The following VCAN variants were observed in gnomAD, a reference collection of about 807,000 sequenced individuals.
The protein encoded by VCAN is versican core protein.
In VCAN, 44 loss-of-function variants were observed where a neutral mutation model predicts 245.5. The ratio of observed to expected loss-of-function variants is 0.18; its 90% CI spans 0.14 to 0.23. The LOEUF (loss-of-function observed/expected upper bound fraction) is 0.23. VCAN is among the 10% of genes least tolerant of loss of function. VCAN has a pLI of 1.00. For missense variants in VCAN, 3,793 were observed against 4,057.9 expected (o/e 0.93, Z 1.77); for synonymous variants, 1,413 against 1,437.0 (o/e 0.98, Z 0.38).
Position 83,573,695 on chromosome 5 carries a change from T to A in VCAN, c.9880+1135T>A, listed in dbSNP as rs577912775. On this transcript the variant is annotated intron_variant, in intron 13 of 14. Transcript: ENST00000265077. ...TACATATATTTTCAAGCATAAGCAC[T>A]CAGGTATACTAATGGCAGTTGGGGA... Among the ~76,000 whole-genome samples, 4 of 152,164 alleles carry A rather than the reference T, an allele frequency of 2.6e-5. 1 individual carries two copies. Among genetic ancestry groups the A allele is most frequent in the African/African-American group, 9.6e-5 (4 of 41,524 alleles).
In VCAN at chr5:83,539,289, A is replaced by G; in HGVS notation, c.6286A>G (p.Lys2096Glu). ...TNFPQTIEPAKLWSRQEVNPV... is the reference protein window; with the variant it reads ...TNFPQTIEPAELWSRQEVNPV... ...CTTTCCCCAAACTATAGAGCCAGCCAAATTATGGTCTAGGCAAGAAGTCAA... is the reference window on the plus strand; with the variant it reads ...CTTTCCCCAAACTATAGAGCCAGCCGAATTATGGTCTAGGCAAGAAGTCAA... Residue 2096 changes from lysine to glutamate, a missense_variant, in exon 8 of 15, where the codon AAA becomes GAA. Lys to Glu is a moderately conservative substitution (Grantham distance 56). This residue lies in a region of VCAN where 3,182 missense variants were observed against 3,250.3 expected (regional missense o/e 0.98). Coordinates refer to ENST00000265077, the MANE Select transcript of VCAN (RefSeq NM_004385.5). The G allele has an allele frequency of 6.2e-7, 1 of 1,614,124 alleles. No homozygotes were observed. The highest frequency in any genetic ancestry group is 8.5e-7 in the Non-Finnish European group (1 of 1,179,990).
At position 83,538,822 on chromosome 5, in the gene VCAN, A is replaced by G. The variant is rs749963310; in HGVS notation, c.5819A>G (p.Glu1940Gly). The change falls in exon 8 of 15, where the codon GAA (glutamate) becomes GGA (glycine). Residue 1940 changes from glutamate to glycine, a missense_variant. Physicochemically the swap from Glu to Gly is moderately conservative, Grantham distance 98. Transcript: ENST00000265077. The part of the protein sequence containing the change: ...LEEDFSGDFR[E>G]YSTVSHPIAK... ...GAAGATTTCAGTGGTGACTTTAGAGAATACTCAACAGTGTCTCATCCCATA... is the reference window on the plus strand; with the variant it reads ...GAAGATTTCAGTGGTGACTTTAGAGGATACTCAACAGTGTCTCATCCCATA... 2.7e-5 allele frequency: 43 copies of G among 1,613,880 alleles called. No homozygotes were observed. The highest frequency in any genetic ancestry group is 3.5e-5 in the Non-Finnish European group (41 of 1,179,988).
intron 12 of VCAN, among the ~76,000 whole-genome samples, chr5:83,556,763 T>A (rs189179777): frequency 3.3e-5 from 5 of 152,310 alleles, no homozygotes; most frequent in Admixed American, 2.0e-4. Context: ...ATTTTGATCC[T>A]ATTAATTTAA....
intron 5 of VCAN, among the ~76,000 whole-genome samples, chr5:83,497,208 A>C (rs1745185106): frequency 1.3e-5 from 2 of 152,178 alleles, no homozygotes; most frequent in Admixed American, 1.3e-4. Flanking sequence ...TCAAAAAGGC[A>C]ATTAATTTTC....
chr5:83,533,981 T>A (rs1746613920), intron 7 of VCAN: 1 of 152,158 alleles, frequency 6.6e-6, no homozygotes, highest in African/African-American at 2.4e-5. Flanking sequence ...TATACAGTAC[T>A]GATTTACAAT....
chr5:83,535,809 G>A (rs773807342), intron 7 of VCAN: 8 of 152,136 alleles, frequency 5.3e-5, no homozygotes, highest in Non-Finnish European at 1.2e-4. Flanking sequence ...GTTATAGATT[G>A]GGGATAGTTT....
chr5:83,541,508 T>G lies in VCAN; in HGVS notation c.8505T>G (p.Ser2835Arg). The G allele has an allele frequency of 6.2e-7, 1 of 1,614,038 alleles. No individual in the cohort carries two copies. Among genetic ancestry groups the G allele is most frequent in the Non-Finnish European group, 8.5e-7 (1 of 1,179,998 alleles). Residue 2835 changes from serine to arginine, a missense_variant, in exon 8 of 15, where the codon AGT becomes AGG. By Grantham distance (110) the Ser-to-Arg change is moderately radical. Transcript: ENST00000265077. Reference protein sequence around the residue: ...PSSPLTIYSGSEASGHTEIPQ... With the variant: ...PSSPLTIYSGREASGHTEIPQ... ...CTCCCCTCACTATCTACTCAGGCAGTGAAGCCTCTGGACACACAGAGATCC... is the reference window on the plus strand; with the variant it reads ...CTCCCCTCACTATCTACTCAGGCAGGGAAGCCTCTGGACACACAGAGATCC...
Position 83,581,969 on chromosome 5 carries a change from T to C in VCAN, c.*1535T>C, listed in dbSNP as rs1023012697. On this transcript the variant is annotated 3_prime_UTR_variant, in exon 15 of 15. Coordinates refer to ENST00000265077, the MANE Select transcript of VCAN (RefSeq NM_004385.5). ...AGGGCACAAAGGGATTGGCCCAATA[T>C]TGATTCTTTTTTTATAAAACCTCCT... The C allele has an allele frequency of 2.8e-5, 2 of 70,932 alleles. No homozygotes were observed. Among genetic ancestry groups the C allele is most frequent in the Non-Finnish European group, 5.7e-5 (2 of 35,204 alleles). 4.4% of individuals were successfully genotyped at this position (70,932 alleles called of 1,614,324 possible). A position where few individuals can be genotyped will look rare whatever the true frequency, so the allele number is the denominator to read the frequency against.
At chr5:83,512,527 T>G in intron 6 of VCAN, 131 bp downstream of exon 6, 4 of 1,223,802 alleles carry the variant, frequency 3.3e-6, no homozygotes, top group Non-Finnish European at 4.5e-6. Flanking sequence ...AACAGTTCAG[T>G]GATTTTCAAA....
At chr5:83,534,859 T>C (rs2112435138) in intron 7 of VCAN, among the ~76,000 whole-genome samples, 1 of 152,030 alleles carries the variant, frequency 6.6e-6, no homozygotes, top group Admixed American at 6.6e-5. Flanking sequence ...CACATTCTGT[T>C]TTCATAGCAC....
intron 10 of VCAN, among the ~76,000 whole-genome samples, chr5:83,549,692 A>G (rs1747385738): frequency 6.6e-6 from 1 of 152,246 alleles, no homozygotes; most frequent in Non-Finnish European, 1.5e-5. Context: ...AATTAATTTT[A>G]TTTCTGGTGC....
At chr5:83,543,583 T>C (rs1204111839) in intron 8 of VCAN, among the ~76,000 whole-genome samples, 2 of 152,238 alleles carry the variant, frequency 1.3e-5, no homozygotes, top group African/African-American at 4.8e-5. Context: ...GGGTTTTTTG[T>C]TATCACTGTG....
intron 6 of VCAN, among the ~76,000 whole-genome samples, chr5:83,517,957 C>G (rs903841103): frequency 3.3e-5 from 5 of 152,094 alleles, no homozygotes; most frequent in African/African-American, 1.2e-4. Context: ...ACAATAAAAT[C>G]ACATCATTTT....
rs1175858855 is a variant in VCAN, at chr5:83,581,816, C to T, written c.*1382C>T. 6.6e-6 allele frequency: 1 copy of T among 152,066 alleles called. No individual in the cohort carries two copies. The highest frequency in any genetic ancestry group is 1.5e-5 in the Non-Finnish European group (1 of 67,996). 9.4% of individuals were successfully genotyped at this position (152,066 alleles called of 1,614,324 possible). On this transcript the variant is annotated 3_prime_UTR_variant, in exon 15 of 15. Coordinates refer to ENST00000265077, the MANE Select transcript of VCAN (RefSeq NM_004385.5). ...TGACTGCTGAAGATGACTTTGAATC[C>T]TTATCCACTTAATTTAATGTTTAAA...
intron 1 of VCAN, among the ~76,000 whole-genome samples, chr5:83,481,422 A>G: frequency 6.6e-6 from 1 of 152,058 alleles, no homozygotes; most frequent in African/African-American, 2.4e-5. Flanking sequence ...ACAATCTTTT[A>G]CTTTGGCTGT....
At position 83,490,313 on chromosome 5, in the gene VCAN, G is replaced by A. The variant is rs1744937554; in HGVS notation, c.286G>A (p.Asp96Asn). The A allele has an allele frequency of 1.2e-6, 2 of 1,614,050 alleles. No individual in the cohort carries two copies. The highest frequency in any genetic ancestry group is 2.2e-5 in the East Asian group (1 of 44,880). The part of the protein sequence containing the change: ...AQNGNIKIGQ[D>N]YKGRVSVPTH... Reference sequence around the variant, plus strand: ...AAATGGAAATATCAAGATTGGTCAGGACTACAAAGGGAGAGTGTCTGTGCC... The same window carrying A: ...AAATGGAAATATCAAGATTGGTCAGAACTACAAAGGGAGAGTGTCTGTGCC... Residue 96 changes from aspartate (D) to asparagine (N), a missense_variant, in exon 3 of 15, where the codon GAC (aspartate) becomes AAC (asparagine). Coordinates refer to ENST00000265077, the MANE Select transcript of VCAN (RefSeq NM_004385.5).
chr5:83,547,327 G>T (rs1234611116), intron 9 of VCAN, among the ~76,000 whole-genome samples: 3 of 152,160 alleles, frequency 2.0e-5, no homozygotes, highest in African/African-American at 7.2e-5. Context: ...CAGTAGATTT[G>T]GGGTGGAATT....
At position 83,549,942 on chromosome 5, in the gene VCAN, C is replaced by A. The variant is rs574724541; in HGVS notation, c.9493+1858C>A. Among the ~76,000 whole-genome samples the A allele has an allele frequency of 4.6e-5, 7 of 152,296 alleles. No individual in the cohort carries two copies. In the East Asian group the frequency reaches 1.2e-3, roughly 25 times the overall value. On this transcript the variant is annotated intron_variant, in intron 10 of 14. Transcript: ENST00000265077. ...TTTCTATCCAAAGTTTGGTGATGAC[C>A]GTGTCAGTGTTCCTTCAGCTGACGT...
At position 83,522,101 on chromosome 5, in the gene VCAN, T is replaced by C; in HGVS notation, c.3795T>C (p.Asp1265=). 1.2e-6 allele frequency: 2 copies of C among 1,614,166 alleles called. No individual in the cohort carries two copies. The highest frequency in any genetic ancestry group is 1.7e-6 in the Non-Finnish European group (2 of 1,180,042). Residue 1265 remains aspartate, a synonymous_variant, in exon 7 of 15, where the codon GAT becomes GAC. Transcript: ENST00000265077. ...TSHVPPTTLE[D]IVAKETETDI... ...ATGTTCCTCCCACTACCCTTGAAGA[T>C]ATTGTAGCCAAGGAAACAGAAACCG...
Sources: gnomAD v4.1 joint callset for allele counts (sites outside exome capture counted in the v4.1 genomes callset) on GRCh38, gnomAD v4.1.1 for gene constraint, gnomAD v4.1.1 regional missense constraint, MANE v1.5 for transcripts, NCBI Gene and HGNC (gene_info 2026-07-23, HGNC 2026-07-21) for gene names.